Variants in PHIP observed in about 807,000 individuals in gnomAD.
The protein encoded by PHIP is PHIP subunit of CUL4-Ring ligase complex.
In PHIP, 54 loss-of-function variants were observed where a neutral mutation model predicts 236.8. That is an observed-to-expected ratio of 0.23 (90% CI 0.18 to 0.29). The LOEUF is 0.29. PHIP is among the 10% of genes least tolerant of loss of function. The pLI is 1.00. For synonymous variants in PHIP, 756 were observed against 718.9 expected, an observed-to-expected ratio of 1.05 and a Z score of -0.83; for missense variants, 1,370 against 2,190.8, an observed-to-expected ratio of 0.63 and a Z score of 7.48.
At chr6:79,002,540 T>C (rs1340379560) in intron 16 of PHIP, among the ~76,000 whole-genome samples, 3 of 152,066 alleles carry the variant, frequency 2.0e-5, no homozygotes, top group East Asian at 3.9e-4. Context: ...AATCATCCCT[T>C]TGTCCAGCAT....
In PHIP at chr6:78,976,720, T is replaced by A. The variant is rs901328126; in HGVS notation, c.2889+1872A>T. On this transcript the variant is annotated intron_variant, in intron 24 of 39. Transcript: ENST00000275034. The stretch of plus-strand genomic sequence containing the variant: ...CACATCAAAAAGTGGGCGAAGGACA[T>A]GAACAGACACTTCTCAAAAGAAGAC... Among the ~76,000 whole-genome samples the A allele has an allele frequency of 5.8e-3, 854 of 146,628 alleles. 6 individuals are homozygous for A. Among genetic ancestry groups the A allele is most frequent in the Non-Finnish European group, 0.01 (666 of 65,992 alleles).
chr6:79,025,356 A>G (rs1771344644), intron 9 of PHIP, among the ~76,000 whole-genome samples, 163 bp downstream of exon 9: 1 of 152,158 alleles, frequency 6.6e-6, no homozygotes, highest in African/African-American at 2.4e-5. Flanking sequence ...AAAAAAGGGG[A>G]GGAATAAAAA....
chr6:78,948,821 G>A (rs1182813198), intron 35 of PHIP, among the ~76,000 whole-genome samples: 1 of 152,052 alleles, frequency 6.6e-6, no homozygotes, highest in Non-Finnish European at 1.5e-5. Context: ...CCCTCAGTAT[G>A]CGACTATATT....
chr6:78,992,665 A>C (rs1490053558), intron 19 of PHIP, among the ~76,000 whole-genome samples: 4 of 152,022 alleles, frequency 2.6e-5, no homozygotes, highest in Non-Finnish European at 5.9e-5. Flanking sequence ...TTATGCTTCT[A>C]TTGTAGTTGT....
chr6:79,005,440 TA>T lies in PHIP; in HGVS notation c.1525-1583del, dbSNP rs900095429. On this transcript the variant is annotated intron_variant, in intron 15 of 39. Transcript: ENST00000275034. Reference sequence around the variant, plus strand: ...ATTTTTCAGTGTTTTCCTAGGCAAATAAAAAAAAAAGTTACATGAACTGTTA... The same window carrying T: ...ATTTTTCAGTGTTTTCCTAGGCAAATAAAAAAAAAGTTACATGAACTGTTA... 3.9e-4 allele frequency among the ~76,000 whole-genome samples: 57 copies of T among 147,678 alleles called. 1 individual carries two copies. Among genetic ancestry groups the T allele is most frequent in the Admixed American group, 3.0e-3 (45 of 14,852 alleles).
chr6:79,038,379 C>T (rs749023459), intron 7 of PHIP, among the ~76,000 whole-genome samples: 1 of 152,174 alleles, frequency 6.6e-6, no homozygotes, highest in Non-Finnish European at 1.5e-5. Flanking sequence ...CACAAGGGCT[C>T]CATTCTTGAG....
At chr6:78,945,745 T>C (rs1252771999) in intron 38 of PHIP, 1 of 592,704 alleles carries the variant, frequency 1.7e-6, no homozygotes, top group Admixed American at 2.6e-5. Context: ...AATTGCTAGC[T>C]AGTGTGGGTA....
chr6:79,022,107 GAA>G (rs1303357400), intron 9 of PHIP, among the ~76,000 whole-genome samples: 1 of 152,108 alleles, frequency 6.6e-6, no homozygotes, highest in South Asian at 2.1e-4. Context: ...ATTATTTGAG[GAA>G]ACATTTTTAA....
intron 19 of PHIP, among the ~76,000 whole-genome samples, chr6:78,994,915 T>C (rs1032976033): frequency 1.3e-5 from 2 of 152,196 alleles, no homozygotes; most frequent in Non-Finnish European, 2.9e-5. Flanking sequence ...CATAATCATA[T>C]TGTTCAATTA....
At chr6:79,003,039 C>T (rs1448429899) in intron 16 of PHIP, among the ~76,000 whole-genome samples, 1 of 151,902 alleles carries the variant, frequency 6.6e-6, no homozygotes, top group Non-Finnish European at 1.5e-5. Flanking sequence ...CTATCATAAC[C>T]TTTTATACCA....
chr6:78,974,714 A>G (rs2127711260), intron 24 of PHIP, among the ~76,000 whole-genome samples: 1 of 152,344 alleles, frequency 6.6e-6, no homozygotes, highest in African/African-American at 2.4e-5. Flanking sequence ...CCACAGAAAT[A>G]CAAACTACCA....
At chr6:78,987,290 A>G (rs1259849668) in intron 21 of PHIP, among the ~76,000 whole-genome samples, 1 of 152,080 alleles carries the variant, frequency 6.6e-6, no homozygotes, top group African/African-American at 2.4e-5. Flanking sequence ...ATTAGCCCAC[A>G]TGTATTTTAT....
intron 9 of PHIP, among the ~76,000 whole-genome samples, 180 bp from the exon 10 acceptor site, chr6:79,019,339 G>C (rs1167027850): frequency 6.6e-6 from 1 of 152,018 alleles, no homozygotes; most frequent in Non-Finnish European, 1.5e-5. Context: ...AGAAATTCTA[G>C]ATATAGATTT....
chr6:78,985,850 A>G (rs1219285050), intron 21 of PHIP, among the ~76,000 whole-genome samples: 1 of 152,196 alleles, frequency 6.6e-6, no homozygotes, highest in African/African-American at 2.4e-5. Flanking sequence ...AAATAATAAA[A>G]GAGTCAGCTG....
intron 27 of PHIP, among the ~76,000 whole-genome samples, chr6:78,968,754 T>C (rs1248557640): frequency 3.3e-5 from 5 of 152,374 alleles, no homozygotes; most frequent in East Asian, 1.9e-4. Flanking sequence ...CTTCATTTTT[T>C]TAATGCTTGG....
At chr6:78,948,038 A>G (rs1773925058) in intron 35 of PHIP, among the ~76,000 whole-genome samples, 1 of 152,032 alleles carries the variant, frequency 6.6e-6, no homozygotes, top group Non-Finnish European at 1.5e-5. Context: ...TGGGAGATGG[A>G]GTTGTATTGG....
chr6:79,007,591 T>A (rs1410548908), intron 15 of PHIP, among the ~76,000 whole-genome samples: 5 of 151,666 alleles, frequency 3.3e-5, no homozygotes, highest in African/African-American at 9.7e-5. Context: ...TGGGCTATCT[T>A]AGGCAGAACC....
chr6:79,076,234 T>C (rs1409023978), intron 4 of PHIP, among the ~76,000 whole-genome samples: 2 of 152,214 alleles, frequency 1.3e-5, no homozygotes, highest in Non-Finnish European at 2.9e-5. Context: ...AGCGCCATTA[T>C]AATCATGTCC....
At chr6:78,972,827 A>G (rs1200493612) in intron 24 of PHIP, among the ~76,000 whole-genome samples, 2 of 152,108 alleles carry the variant, frequency 1.3e-5, no homozygotes, top group Admixed American at 6.5e-5. Flanking sequence ...AAGTTTAGAG[A>G]AAAAAACAAT....
Sources: gnomAD v4.1 joint callset for allele counts (sites outside exome capture counted in the v4.1 genomes callset) on GRCh38, gnomAD v4.1.1 for gene constraint, MANE v1.5 for transcripts, NCBI Gene and HGNC (gene_info 2026-07-23, HGNC 2026-07-21) for gene names.